PSMA3: variants seen among roughly 807,000 people sequenced by gnomAD.
PSMA3 encodes the protein proteasome subunit alpha type-3.
PSMA3 carries 8 observed loss-of-function variants against 40.0 expected under a neutral mutation model. The observed-to-expected ratio is 0.20, with a 90% CI of 0.12 to 0.36. PSMA3 has a LOEUF of 0.36. PSMA3 is among the 10% of genes least tolerant of loss of function. PSMA3 has a pLI of 1.00. For missense variants in PSMA3, 219 were observed against 310.6 expected (o/e 0.70, Z 2.22); for synonymous variants, 110 against 100.0 (o/e 1.10, Z -0.59).
chr14:58,252,356 G>A, intron 3 of PSMA3, 114 bp downstream of exon 3: 1 of 1,331,356 alleles, frequency 7.5e-7, no homozygotes, highest in Non-Finnish European at 1.0e-6. Context: ...TACTGCATTT[G>A]TCCAGTTCAC....
chr14:58,270,255 A>T (rs929296330), intron 8 of PSMA3, 163 bp from the exon 9 acceptor site: 8 of 980,124 alleles, frequency 8.2e-6, no homozygotes, highest in Non-Finnish European at 5.7e-6. Flanking sequence ...GTCCCTGTGT[A>T]ATTTGTCTTC....
intron 7 of PSMA3, among the ~76,000 whole-genome samples, chr14:58,264,203 ATC>A (rs1555352909): frequency 1.3e-5 from 2 of 152,202 alleles, no homozygotes; most frequent in Non-Finnish European, 2.9e-5. Context: ...CTATTTATGA[ATC>A]TCTGTGAGCT....
intron 10 of PSMA3, 84 bp downstream of exon 10, chr14:58,271,082 C>A: frequency 2.4e-6 from 2 of 845,906 alleles, no homozygotes; most frequent in Non-Finnish European, 3.6e-6. Context: ...GCCTGAGCAG[C>A]ACAGCAAGAC....
chr14:58,251,257 CAAGT>C (rs1234871870), intron 2 of PSMA3, among the ~76,000 whole-genome samples: 2 of 152,124 alleles, frequency 1.3e-5, no homozygotes, highest in African/African-American at 4.8e-5. Flanking sequence ...GAAATGGCAA[CAAGT>C]AATTTCTCCA....
intron 7 of PSMA3, 96 bp from the exon 8 acceptor site, chr14:58,267,378 T>C (rs1174678420): frequency 1.5e-6 from 2 of 1,307,240 alleles, no homozygotes; most frequent in African/African-American, 3.0e-5. Context: ...TTAGGTTATT[T>C]TCCTTGGTTT....
chr14:58,253,742 C>A (rs935646220), intron 3 of PSMA3, among the ~76,000 whole-genome samples: 1 of 152,018 alleles, frequency 6.6e-6, no homozygotes, highest in Non-Finnish European at 1.5e-5. Context: ...TACAGACATA[C>A]GCCGCCACAC....
At chr14:58,244,979 A>T in intron 1 of PSMA3, 38 bp downstream of exon 1, 1 of 1,613,994 alleles carries the variant, frequency 6.2e-7, no homozygotes, top group Non-Finnish European at 8.5e-7. Context: ...GTTTAACCTA[A>T]GGATTGGGGT....
At chr14:58,257,655 TA>T (rs555288195) in intron 3 of PSMA3, 89 bp from the exon 4 acceptor site, 41 of 1,201,386 alleles carry the variant, frequency 3.4e-5, no homozygotes, top group South Asian at 2.0e-4. Context: ...TAATACTTGT[TA>T]AAAAAATGTT....
Position 58,266,268 on chromosome 14 carries a change from T to A in PSMA3, c.544-1206T>A, listed in dbSNP as rs57650648. The A allele has an allele frequency of 1.8e-4, 28 of 152,332 alleles. 1 individual carries two copies. The highest frequency in any genetic ancestry group is 6.7e-4 in the African/African-American group (28 of 41,568). The allele number at this position is 152,332 out of a possible 1,614,324, so 9.4% of individuals were successfully genotyped here. ...TGGTTGTGCAGGCAGAGCTTGAGCATCCAGATTTCAAAATTAAAAAATAAA... is the reference window on the plus strand; with the variant it reads ...TGGTTGTGCAGGCAGAGCTTGAGCAACCAGATTTCAAAATTAAAAAATAAA... On this transcript the variant is annotated intron_variant, in intron 7 of 10. Coordinates refer to ENST00000216455, the MANE Select transcript of PSMA3 (RefSeq NM_002788.4).
chr14:58,249,249 G>A (rs868073901), intron 2 of PSMA3, among the ~76,000 whole-genome samples: 6 of 151,420 alleles, frequency 4.0e-5, no homozygotes, highest in African/African-American at 9.7e-5. Context: ...CATGAGCCAC[G>A]GCGCCCGGCC....
intron 3 of PSMA3, among the ~76,000 whole-genome samples, chr14:58,255,392 G>A (rs1316805285): frequency 2.6e-5 from 4 of 152,096 alleles, no homozygotes; most frequent in Non-Finnish European, 5.9e-5. Flanking sequence ...GCTTCTCAAA[G>A]ATGTGGTGGC....
At chr14:58,266,861 G>C (rs1890457521) in intron 7 of PSMA3, 1 of 152,130 alleles carries the variant, frequency 6.6e-6, no homozygotes, top group African/African-American at 2.4e-5. Flanking sequence ...TGGCTATAAA[G>C]AAAATCAGAT....
At chr14:58,266,219 T>C (rs951425970) in intron 7 of PSMA3, 2 of 152,206 alleles carry the variant, frequency 1.3e-5, no homozygotes, top group Non-Finnish European at 2.9e-5. Context: ...TTATTTTTGT[T>C]GTCATTGTTC....
At chr14:58,270,394 T>A (rs1383295959) in intron 8 of PSMA3, 24 bp from the exon 9 acceptor site, 27 of 1,612,464 alleles carry the variant, frequency 1.7e-5, no homozygotes, top group Non-Finnish European at 2.1e-5. Flanking sequence ...TACCAAAATC[T>A]TACCTTTCCC....
rs751093783 is a variant in PSMA3, at chr14:58,258,133, CAG to C, written c.404+136_404+137del. On this transcript the variant is annotated intron_variant, in intron 5 of 10. Transcript: ENST00000216455. ...GTATTAGGGCAATGATTAAATAAAA[CAG>C]TGTACATAGAAACTACTTGAGGCTG... 3.1e-4 allele frequency: 190 copies of C among 606,664 alleles called. No homozygotes were observed. In the East Asian group the frequency reaches 4.5e-3, roughly 14 times the overall value. The allele number at this position is 606,664 out of a possible 1,614,324, so 37.6% of individuals were successfully genotyped here.
intron 8 of PSMA3, chr14:58,269,429 GTTTT>G (rs879582556): frequency 3.4e-5 from 5 of 145,568 alleles, no homozygotes; most frequent in South Asian, 2.2e-4. Context: ...ACATAAATTA[GTTTT>G]TTTTTTTTTA....
chr14:58,262,764 T>C (rs1187327194), intron 6 of PSMA3, among the ~76,000 whole-genome samples: 2 of 151,854 alleles, frequency 1.3e-5, no homozygotes, highest in Non-Finnish European at 2.9e-5. Context: ...ACTTTCACCA[T>C]GTTGCCCAGG....
intron 7 of PSMA3, chr14:58,266,637 C>T (rs1386417465): frequency 6.6e-6 from 1 of 152,192 alleles, no homozygotes; most frequent in Non-Finnish European, 1.5e-5. Context: ...CTTCCCACTT[C>T]TGCTTTACAC....
In PSMA3 at chr14:58,253,084, A is replaced by G. The variant is rs375262937; in HGVS notation, c.228+842A>G. On this transcript the variant is annotated intron_variant, in intron 3 of 10. Coordinates refer to ENST00000216455, the MANE Select transcript of PSMA3 (RefSeq NM_002788.4). ...ATTGCAGCCTCTGCCTCCTGGGTTC[A>G]AGCGATTCTCCTACCTCAGCCTCCC... Among the ~76,000 whole-genome samples the G allele has an allele frequency of 1.7e-3, 258 of 151,272 alleles. 2 individuals are homozygous for G. The highest frequency in any genetic ancestry group is 5.1e-3 in the African/African-American group (209 of 41,208).
Sources: gnomAD v4.1 joint callset for allele counts (sites outside exome capture counted in the v4.1 genomes callset) on GRCh38, gnomAD v4.1.1 for gene constraint, MANE v1.5 for transcripts, NCBI Gene and HGNC (gene_info 2026-07-23, HGNC 2026-07-21) for gene names.